Variants in CELF4 observed in about 807,000 individuals in gnomAD.
The protein encoded by CELF4 is CUG-BP- and ETR-3-like factor 4.
In CELF4, 18 loss-of-function variants were observed where a neutral mutation model predicts 59.9. The ratio of observed to expected loss-of-function variants is 0.30; its 90% confidence interval spans 0.21 to 0.45. The LOEUF (loss-of-function observed/expected upper bound fraction) is 0.45. Among genes scored for constraint, CELF4 ranks in the 20% least tolerant of loss-of-function variants. The probability of loss-of-function intolerance (pLI) is 1.00; values close to 1 mark genes in which losing one functional copy is unlikely to be tolerated. For missense variants in CELF4, 456 were observed against 689.0 expected, an observed-to-expected ratio of 0.66 and a Z score of 3.79; for synonymous variants, 261 against 267.1, an observed-to-expected ratio of 0.98 and a Z score of 0.22.
At chr18:37,511,971 G>A (rs2099944875) in intron 1 of CELF4, among the ~76,000 whole-genome samples, 1 of 151,996 alleles carries the variant, frequency 6.6e-6, no homozygotes, top group Non-Finnish European at 1.5e-5. Context: ...GGGCAGCCAC[G>A]ACTGCAGTTC....
At chr18:37,404,663 C>T (rs572302684) in intron 2 of CELF4, among the ~76,000 whole-genome samples, 4 of 152,264 alleles carry the variant, frequency 2.6e-5, no homozygotes, top group African/African-American at 4.8e-5. Context: ...TTGGGGAGCT[C>T]GGCTCACAGA....
chr18:37,438,174 G>A (rs543285367), intron 2 of CELF4, among the ~76,000 whole-genome samples: 1 of 152,280 alleles, frequency 6.6e-6, no homozygotes, highest in East Asian at 1.9e-4. Context: ...TTTTTGGTAT[G>A]GCAGCCCAAG....
chr18:37,474,055 G>C (rs17750237), intron 2 of CELF4: 1 of 152,270 alleles, frequency 6.6e-6, no homozygotes, highest in African/African-American at 2.4e-5. Context: ...AATGCCCTCC[G>C]ACAGCAGTGA....
At chr18:37,348,905 G>C (rs2154552610) in intron 2 of CELF4, among the ~76,000 whole-genome samples, 1 of 152,270 alleles carries the variant, frequency 6.6e-6, no homozygotes, top group East Asian at 1.9e-4. Flanking sequence ...CCCCAGGGGA[G>C]CTGCACTGGG....
chr18:37,502,907 C>G (rs1387493016), intron 1 of CELF4, among the ~76,000 whole-genome samples: 1 of 152,238 alleles, frequency 6.6e-6, no homozygotes, highest in Non-Finnish European at 1.5e-5. Flanking sequence ...GTGCTGGGGT[C>G]GGATCTGCTT....
intron 2 of CELF4, among the ~76,000 whole-genome samples, chr18:37,405,120 C>T (rs2099368999): frequency 6.6e-6 from 1 of 151,548 alleles, no homozygotes; most frequent in Non-Finnish European, 1.5e-5. Context: ...CCTTCAGATT[C>T]CTGGTTCCTC....
chr18:37,507,188 T>A (rs2099939052), intron 1 of CELF4, among the ~76,000 whole-genome samples: 1 of 152,136 alleles, frequency 6.6e-6, no homozygotes, highest in South Asian at 2.1e-4. Flanking sequence ...TCTCATATGC[T>A]CCCCTCAGTC....
At chr18:37,278,149 C>G (rs1447903632) in intron 3 of CELF4, among the ~76,000 whole-genome samples, 2 of 151,986 alleles carry the variant, frequency 1.3e-5, no homozygotes, top group Non-Finnish European at 2.9e-5. Flanking sequence ...CTTTACTGTG[C>G]AGTTCTCAGT....
At chr18:37,413,524 T>C (rs1392093899) in intron 2 of CELF4, among the ~76,000 whole-genome samples, 2 of 152,246 alleles carry the variant, frequency 1.3e-5, no homozygotes, top group Non-Finnish European at 2.9e-5. Context: ...CACTCCTCCA[T>C]GCCCTCCACT....
chr18:37,460,787 C>G (rs900353945), intron 2 of CELF4, among the ~76,000 whole-genome samples: 1 of 152,220 alleles, frequency 6.6e-6, no homozygotes. Context: ...GAAGTCTGGT[C>G]ACTGTGGCTC....
chr18:37,394,283 G>A (rs963738795), intron 2 of CELF4, among the ~76,000 whole-genome samples: 2 of 152,254 alleles, frequency 1.3e-5, no homozygotes, highest in Non-Finnish European at 2.9e-5. Context: ...GAGGGACGCG[G>A]GGCGGGAGGC....
At position 37,246,755 on chromosome 18, in the gene CELF4, T is replaced by C. The variant is rs903835157; in HGVS notation, c.*45-1558A>G. On this transcript the variant is annotated intron_variant, in intron 12 of 12. Transcript: ENST00000420428. This position sits in a 1 kb window ranked among gnomAD's most constrained non-coding sequence, Gnocchi z 5.3. ...CAACCACGCATAGATATTTTTAAGA[T>C]GTTTTCCTTATTTTTAAGAAAAAAA... 6 of 152,200 alleles carry C rather than the reference T, an allele frequency of 3.9e-5. No individual in the cohort carries two copies. Among genetic ancestry groups the C allele is most frequent in the African/African-American group, 1.4e-4 (6 of 41,446 alleles). 9.4% of individuals were successfully genotyped at this position (152,200 alleles called of 1,614,324 possible).
At chr18:37,434,007 G>T (rs2099680131) in intron 2 of CELF4, among the ~76,000 whole-genome samples, 1 of 152,204 alleles carries the variant, frequency 6.6e-6, no homozygotes, top group Non-Finnish European at 1.5e-5. Flanking sequence ...AGAAATCTTA[G>T]TTGAGTGCTC....
In CELF4 at chr18:37,488,649, C is replaced by G. The variant is rs927388417; in HGVS notation, c.287-3042G>C. Among the ~76,000 whole-genome samples the G allele has an allele frequency of 1.4e-4, 21 of 152,220 alleles. No individual in the cohort carries two copies. The East Asian group carries it at 4.1e-3, about 30-fold the overall frequency. ...AACCTGACAGTGCACTCTCACCATG[C>G]TTCCCCCTTCACCCCCAAGTTGATC... On this transcript the variant is annotated intron_variant, in intron 1 of 12. Coordinates refer to ENST00000420428, the MANE Select transcript of CELF4 (RefSeq NM_020180.4).
chr18:37,352,885 C>CAATTTAT (rs1329104895), intron 2 of CELF4, among the ~76,000 whole-genome samples: 2 of 152,052 alleles, frequency 1.3e-5, no homozygotes, highest in East Asian at 3.9e-4. Context: ...TGGAACAGCG[C>CAATTTAT]CTTGCCATTG....
intron 2 of CELF4, among the ~76,000 whole-genome samples, chr18:37,351,608 CTTCTTT>C (rs2098442360): frequency 1.1e-5 from 1 of 89,846 alleles, no homozygotes; most frequent in Admixed American, 1.7e-4. Context: ...TTTTCTTCTT[CTTCTTT>C]TTTTTTTTTT....
intron 2 of CELF4, among the ~76,000 whole-genome samples, chr18:37,421,395 C>T (rs1023319270): frequency 6.6e-6 from 1 of 152,200 alleles, no homozygotes; most frequent in Non-Finnish European, 1.5e-5. Flanking sequence ...AAACACAGGG[C>T]GGTTTTATCA....
At chr18:37,469,099 T>C (rs2099815362) in intron 2 of CELF4, among the ~76,000 whole-genome samples, 1 of 152,110 alleles carries the variant, frequency 6.6e-6, no homozygotes, top group South Asian at 2.1e-4. Flanking sequence ...TTTCCTTCTT[T>C]AGAGGGAGGT....
intron 3 of CELF4, among the ~76,000 whole-genome samples, chr18:37,297,858 G>T (rs557168755): frequency 1.6e-4 from 24 of 152,332 alleles, no homozygotes; most frequent in South Asian, 1.0e-3. Context: ...TGGGGCCTGG[G>T]CCATGCAAAG....
Sources: allele counts gnomAD v4.1 joint callset (sites outside exome capture counted in the v4.1 genomes callset), GRCh38; gene constraint gnomAD v4.1.1; non-coding constraint Gnocchi (gnomAD v3.1); transcripts MANE v1.5; gene names NCBI Gene and HGNC (gene_info 2026-07-23, HGNC 2026-07-21).